XKR4: variants seen among roughly 807,000 people sequenced by gnomAD.
The protein encoded by XKR4 is XK related 4.
A neutral mutation model predicts 53.9 loss-of-function variants in XKR4; 12 were observed. The observed-to-expected ratio is 0.22, with a 90% CI of 0.14 to 0.36. XKR4 has a LOEUF of 0.36. XKR4 is among the 10% of genes least tolerant of loss of function. The probability of loss-of-function intolerance (pLI) is 1.00; values close to 1 mark genes in which losing one functional copy is unlikely to be tolerated. For synonymous variants in XKR4, 354 were observed against 362.4 expected (o/e 0.98, Z 0.26); for missense variants, 799 against 859.5 (o/e 0.93, Z 0.88).
At chr8:55,299,238 A>G (rs1819144903) in intron 1 of XKR4, among the ~76,000 whole-genome samples, 1 of 152,204 alleles carries the variant, frequency 6.6e-6, no homozygotes, top group Non-Finnish European at 1.5e-5. Flanking sequence ...AGTAGGTGAT[A>G]ATAAGCACCC....
intron 1 of XKR4, among the ~76,000 whole-genome samples, chr8:55,341,298 C>A (rs543611221): frequency 6.6e-6 from 1 of 152,230 alleles, no homozygotes. Context: ...AATTACATTA[C>A]CTGGCAGGTG....
chr8:55,103,381 T>G, intron 1 of XKR4, 87 bp downstream of exon 1: 1 of 1,511,632 alleles, frequency 6.6e-7, no homozygotes, highest in South Asian at 1.3e-5. Context: ...CTTTCAGGGT[T>G]GCTTTGGTAG....
At chr8:55,275,972 AG>A in intron 1 of XKR4, among the ~76,000 whole-genome samples, 1 of 152,348 alleles carries the variant, frequency 6.6e-6, no homozygotes, top group Non-Finnish European at 1.5e-5. Context: ...GTGATGCTAA[AG>A]GTTATTCATG....
intron 2 of XKR4, among the ~76,000 whole-genome samples, chr8:55,426,852 G>C (rs1805023632): frequency 6.6e-6 from 1 of 152,130 alleles, no homozygotes; most frequent in African/African-American, 2.4e-5. Context: ...CCTAGTATAG[G>C]CAACAGAATA....
chr8:55,260,487 G>A (rs888993202), intron 1 of XKR4, among the ~76,000 whole-genome samples: 8 of 152,156 alleles, frequency 5.3e-5, no homozygotes, highest in Admixed American at 4.6e-4. Context: ...GTTGCCTCAC[G>A]CCAAGGAAAT....
At chr8:55,391,349 A>G (rs1373577132) in intron 2 of XKR4, among the ~76,000 whole-genome samples, 2 of 152,338 alleles carry the variant, frequency 1.3e-5, no homozygotes, top group East Asian at 1.9e-4. Context: ...AAAAATTGGA[A>G]TCAGCCCAAA....
chr8:55,319,459 A>G (rs1362749164), intron 1 of XKR4, among the ~76,000 whole-genome samples: 2 of 152,232 alleles, frequency 1.3e-5, no homozygotes, highest in African/African-American at 4.8e-5. Flanking sequence ...AGGTTATTGC[A>G]GTGAAGTCAT....
chr8:55,394,482 A>G (rs908866147), intron 2 of XKR4, among the ~76,000 whole-genome samples: 10 of 152,250 alleles, frequency 6.6e-5, no homozygotes, highest in African/African-American at 2.2e-4. Flanking sequence ...TTGTTTTATT[A>G]TATTTAATAA....
chr8:55,328,686 G>A (rs1277118419), intron 1 of XKR4, among the ~76,000 whole-genome samples: 1 of 152,168 alleles, frequency 6.6e-6, no homozygotes, highest in East Asian at 1.9e-4. Context: ...CGCTCATAGT[G>A]ATGCCACCGC....
chr8:55,293,561 C>T (rs1162157649), intron 1 of XKR4, among the ~76,000 whole-genome samples: 1 of 151,964 alleles, frequency 6.6e-6, no homozygotes, highest in African/African-American at 2.4e-5. Context: ...TTTTGAGAAA[C>T]ACTTTATATA....
At chr8:55,353,246 T>C (rs1803750861) in intron 1 of XKR4, among the ~76,000 whole-genome samples, 1 of 152,174 alleles carries the variant, frequency 6.6e-6, no homozygotes, top group African/African-American at 2.4e-5. Flanking sequence ...ATTTTGGAAA[T>C]AGAATAAGAT....
At chr8:55,362,983 G>A (rs1803926084) in intron 2 of XKR4, among the ~76,000 whole-genome samples, 1 of 152,218 alleles carries the variant, frequency 6.6e-6, no homozygotes, top group Non-Finnish European at 1.5e-5. Flanking sequence ...TGGCTGCACA[G>A]GGGAAACATT....
intron 1 of XKR4, among the ~76,000 whole-genome samples, chr8:55,305,398 A>G (rs1819281131): frequency 6.6e-6 from 1 of 152,072 alleles, no homozygotes; most frequent in Admixed American, 6.6e-5. Flanking sequence ...GACCCAGAGA[A>G]AGGAGGGGGT....
intron 1 of XKR4, among the ~76,000 whole-genome samples, chr8:55,178,872 C>G (rs1817269350): frequency 1.3e-5 from 2 of 152,290 alleles, no homozygotes; most frequent in South Asian, 4.1e-4. Flanking sequence ...CCCCAACTAC[C>G]TTGGTGTTCC....
At chr8:55,250,134 G>A (rs545779015) in intron 1 of XKR4, among the ~76,000 whole-genome samples, 1 of 152,258 alleles carries the variant, frequency 6.6e-6, no homozygotes, top group South Asian at 2.1e-4. Context: ...TCAGGAAAAG[G>A]ATCTTAGGTT....
Position 55,314,848 on chromosome 8 carries a change from G to A in XKR4, c.807-42830G>A, listed in dbSNP as rs1305062506. 5.3e-5 allele frequency among the ~76,000 whole-genome samples: 8 copies of A among 152,272 alleles called. No individual in the cohort carries two copies. The South Asian group carries it at 1.7e-3, about 32-fold the overall frequency. On this transcript the variant is annotated intron_variant, in intron 1 of 2. Coordinates refer to ENST00000327381, the MANE Select transcript of XKR4 (RefSeq NM_052898.2). ...GGATAAACTACATTCAAGAAGGGAA[G>A]GCCATTTCTTCTGCAGTGGCAGCTC...
intron 2 of XKR4, chr8:55,452,291 T>C: frequency 1.5e-6 from 1 of 647,390 alleles, no homozygotes; most frequent in Non-Finnish European, 2.9e-6. Flanking sequence ...TGCTGATGCA[T>C]TTCTCCTTGG....
intron 2 of XKR4, among the ~76,000 whole-genome samples, chr8:55,486,514 C>G (rs1248848646): frequency 6.6e-6 from 1 of 152,220 alleles, no homozygotes; most frequent in Non-Finnish European, 1.5e-5. Flanking sequence ...AATTATACCT[C>G]CAGCATCAGA....
intron 1 of XKR4, among the ~76,000 whole-genome samples, chr8:55,181,023 A>G (rs1444374338): frequency 2.0e-5 from 3 of 152,228 alleles, no homozygotes; most frequent in Non-Finnish European, 4.4e-5. Context: ...CCATTGAATT[A>G]AAACATTAAA....
Sources: gnomAD v4.1 joint callset for allele counts (sites outside exome capture counted in the v4.1 genomes callset) on GRCh38, gnomAD v4.1.1 for gene constraint, MANE v1.5 for transcripts, NCBI Gene and HGNC (gene_info 2026-07-23, HGNC 2026-07-21) for gene names.